PDSS1: variants seen among roughly 807,000 people sequenced by gnomAD.
The protein encoded by PDSS1 is decaprenyl diphosphate synthase subunit 1.
PDSS1 carries 43 observed loss-of-function variants against 57.5 expected under a neutral mutation model. The ratio of observed to expected loss-of-function variants is 0.75; its 90% confidence interval spans 0.59 to 0.96. The LOEUF (loss-of-function observed/expected upper bound fraction) is 0.96, where lower values mean the gene tolerates loss of function less well. Ranked by LOEUF, PDSS1 falls within the 50% of genes least tolerant of loss-of-function variation. The pLI is 0.00. For missense variants in PDSS1, 438 were observed against 527.8 expected (o/e 0.83, Z 1.67); for synonymous variants, 175 against 191.3 (o/e 0.91, Z 0.70).
Position 26,742,223 on chromosome 10 carries a change from TA to T in PDSS1, c.1027-272del, listed in dbSNP as rs34169760. Among the ~76,000 whole-genome samples, 56,277 of 152,068 alleles carry T rather than the reference TA, an allele frequency of 0.37. 10,821 individuals are homozygous for T. Among genetic ancestry groups the T allele is most frequent in the Middle Eastern group, 0.46 (135 of 294 alleles). ...TGTACTTTATTCCTCCTGCCTCTCT[TA>T]ACTCAGTGTTGGACTAGGATAAAAC... On this transcript the variant is annotated intron_variant, in intron 10 of 11. Transcript: ENST00000376215.
chr10:26,715,479 C>G (rs1182040083), intron 5 of PDSS1: 3 of 152,140 alleles, frequency 2.0e-5, no homozygotes, highest in Admixed American at 2.0e-4. Flanking sequence ...TCATTTCAAC[C>G]TCTGCCTCCC....
intron 4 of PDSS1, among the ~76,000 whole-genome samples, chr10:26,705,834 G>A (rs1835194877): frequency 6.6e-6 from 1 of 152,176 alleles, no homozygotes; most frequent in Admixed American, 6.5e-5. Context: ...TGTTTCTTGA[G>A]AAGAATACAT....
chr10:26,727,338 CTCTT>C (rs113653699), intron 8 of PDSS1, among the ~76,000 whole-genome samples: 23,715 of 130,930 alleles, frequency 0.18, 1,964 homozygotes, highest in Admixed American at 0.22. Context: ...CTCTCTCTCT[CTCTT>C]TTTTTTTTTT....
At chr10:26,710,247 G>GC (rs1835379559) in intron 5 of PDSS1, among the ~76,000 whole-genome samples, 1 of 90,020 alleles carries the variant, frequency 1.1e-5, no homozygotes, top group South Asian at 2.9e-4. Flanking sequence ...ATCTAGTCTG[G>GC]CATCTTTTTT....
chr10:26,707,805 A>G (rs1835288698), intron 4 of PDSS1, among the ~76,000 whole-genome samples: 1 of 152,244 alleles, frequency 6.6e-6, no homozygotes, highest in African/African-American at 2.4e-5. Context: ...GGCGGCCATG[A>G]CGGTCTCAGG....
At position 26,735,245 on chromosome 10, in the gene PDSS1, T is replaced by A; in HGVS notation, c.837T>A (p.Ser279=). Residue 279 remains serine (S), a synonymous_variant, in exon 9 of 12, where the codon TCT becomes TCA. Coordinates refer to ENST00000376215, the MANE Select transcript of PDSS1 (RefSeq NM_014317.5). ...GAATGCTCTTTCTGTTTCAGGTCTC[T>A]GTTCTAGGATGTCCCGACCCAGTGG... ...SLIANSCKAV[S]VLGCPDPVVH... is the part of the protein sequence containing the mutation. 6.2e-7 allele frequency: 1 copy of A among 1,612,220 alleles called. No homozygotes were observed. The highest frequency in any genetic ancestry group is 8.5e-7 in the Non-Finnish European group (1 of 1,178,200).
At chr10:26,711,729 C>T (rs1835411863) in intron 5 of PDSS1, among the ~76,000 whole-genome samples, 1 of 95,526 alleles carries the variant, frequency 1.0e-5, no homozygotes, top group South Asian at 2.8e-4. Flanking sequence ...TTAGCAGCAT[C>T]GCTGACTCTA....
chr10:26,697,897 C>T, intron 1 of PDSS1, 57 bp downstream of exon 1: 2 of 1,236,500 alleles, frequency 1.6e-6, no homozygotes, highest in Non-Finnish European at 2.0e-6. Context: ...CCAATGACAG[C>T]AGTGGGCGGA....
In PDSS1 at chr10:26,709,677, G is replaced by T; in HGVS notation, c.376G>T (p.Glu126Ter). ...ISTSELKEMS[E>*]YYFDGKGKAF... ...AACATCAGAACTTAAGGAAATGTCT[G>T]AGTACTACTTTGATGGGAAAGGGAA... The change falls in exon 5 of 12, where the codon GAG becomes TAG. Residue 126 changes from glutamate to a stop codon, truncating the protein, a stop_gained. Coordinates refer to ENST00000376215, the MANE Select transcript of PDSS1 (RefSeq NM_014317.5). LOFTEE classifies it high-confidence loss of function. 1 of 1,613,566 alleles carries T rather than the reference G, an allele frequency of 6.2e-7. No individual in the cohort carries two copies. Among genetic ancestry groups the T allele is most frequent in the East Asian group, 2.2e-5 (1 of 44,884 alleles).
intron 11 of PDSS1, among the ~76,000 whole-genome samples, chr10:26,746,017 A>AAGAT (rs1413435337): frequency 2.0e-5 from 3 of 152,172 alleles, no homozygotes; most frequent in Admixed American, 6.5e-5. Context: ...ATGTTGTATA[A>AAGAT]AGATACTTTG....
chr10:26,723,719 A>G, intron 6 of PDSS1, 87 bp from the exon 7 acceptor site: 1 of 900,772 alleles, frequency 1.1e-6, no homozygotes. Context: ...CACTTCCACG[A>G]AGCTCCCTTC....
chr10:26,706,366 G>A (rs1481334109), intron 4 of PDSS1, among the ~76,000 whole-genome samples: 6 of 152,218 alleles, frequency 3.9e-5, no homozygotes, highest in African/African-American at 1.2e-4. Flanking sequence ...AGTAGGGGCT[G>A]TGGAGGAAGA....
chr10:26,732,960 T>A (rs1836265042), intron 8 of PDSS1, among the ~76,000 whole-genome samples: 2 of 151,990 alleles, frequency 1.3e-5, no homozygotes, highest in Admixed American at 1.3e-4. Context: ...AATACAAAAA[T>A]TAGCTGGGCG....
chr10:26,714,276 C>G (rs1461992955), intron 5 of PDSS1, among the ~76,000 whole-genome samples: 7 of 152,100 alleles, frequency 4.6e-5, no homozygotes, highest in Non-Finnish European at 1.0e-4. Flanking sequence ...GAGTTTGAGG[C>G]TAGCCTGGCC....
intron 4 of PDSS1, among the ~76,000 whole-genome samples, chr10:26,708,408 A>G (rs1194778579): frequency 6.6e-6 from 1 of 152,156 alleles, no homozygotes; most frequent in Non-Finnish European, 1.5e-5. Context: ...ATCAAAGCCC[A>G]TCTCCTCCAT....
At chr10:26,741,873 G>A (rs1412329325) in intron 10 of PDSS1, among the ~76,000 whole-genome samples, 1 of 152,070 alleles carries the variant, frequency 6.6e-6, no homozygotes, top group Non-Finnish European at 1.5e-5. Context: ...TAACAACCAT[G>A]TTGTTTTTTA....
chr10:26,707,232 A>C (rs1309477829), intron 4 of PDSS1, among the ~76,000 whole-genome samples: 2 of 152,156 alleles, frequency 1.3e-5, no homozygotes, highest in Non-Finnish European at 2.9e-5. Flanking sequence ...AAGGACATAC[A>C]CCAATTAAGC....
intron 2 of PDSS1, among the ~76,000 whole-genome samples, chr10:26,703,293 A>G (rs1835101087): frequency 6.6e-6 from 1 of 152,020 alleles, no homozygotes; most frequent in African/African-American, 2.4e-5. Context: ...TTAGGGGTCT[A>G]TAACTGAATA....
rs191803080 is a variant in PDSS1 at position 26,709,799 on chromosome 10, T to A, written c.467+31T>A. The A allele has an allele frequency of 4.5e-5, 73 of 1,610,592 alleles. 1 individual carries two copies. In the African/African-American group the frequency reaches 7.6e-4, roughly 17 times the overall value. The stretch of plus-strand genomic sequence containing the variant: ...CTCTTTTTTTCATTCCTTTCTTGTT[T>A]TTATATTTGGGAAGTCTTTCTTCCC... On this transcript the variant is annotated intron_variant, in intron 5 of 11. Coordinates refer to ENST00000376215, the MANE Select transcript of PDSS1 (RefSeq NM_014317.5).
Sources: gnomAD v4.1 joint callset for allele counts (sites outside exome capture counted in the v4.1 genomes callset) on GRCh38, gnomAD v4.1.1 for gene constraint, MANE v1.5 for transcripts, NCBI Gene and HGNC (gene_info 2026-07-23, HGNC 2026-07-21) for gene names.